The following TOM1L2 variants were observed in gnomAD, a reference collection of about 807,000 sequenced individuals.
The protein encoded by TOM1L2 is target of myb1 like 2 membrane trafficking protein, also known as TOM1-like protein 2.
Under a neutral mutation model 67.9 loss-of-function variants are expected in TOM1L2, and 31 were observed. That is an observed-to-expected ratio of 0.46 (90% confidence interval 0.34 to 0.62). The LOEUF (loss-of-function observed/expected upper bound fraction) is 0.62. TOM1L2 is among the 20% of genes least tolerant of loss of function. The pLI is 0.01. For missense variants in TOM1L2, 606 were observed against 663.5 expected (o/e 0.91, Z 0.95); for synonymous variants, 256 against 254.0 (o/e 1.01, Z -0.07).
chr17:17,853,677 G>A (rs2036115780), intron 12 of TOM1L2, among the ~76,000 whole-genome samples: 1 of 152,240 alleles, frequency 6.6e-6, no homozygotes, highest in Non-Finnish European at 1.5e-5. Flanking sequence ...GCTGAGGAGA[G>A]TGCACTGGGT....
intron 1 of TOM1L2, among the ~76,000 whole-genome samples, chr17:17,941,374 A>G (rs1474190353): frequency 6.6e-6 from 1 of 151,390 alleles, no homozygotes; most frequent in Admixed American, 6.6e-5. Context: ...ACTATGGACG[A>G]CTCCCTTATA....
chr17:17,951,251 C>A (rs1598397251), intron 1 of TOM1L2, among the ~76,000 whole-genome samples: 1 of 152,204 alleles, frequency 6.6e-6, no homozygotes, highest in African/African-American at 2.4e-5. Flanking sequence ...CCTTTCCTAA[C>A]TCTGGCAGGG....
intron 1 of TOM1L2, among the ~76,000 whole-genome samples, chr17:17,969,859 T>TTCTCTC (rs10555800): frequency 6.7e-6 from 1 of 150,132 alleles, no homozygotes; most frequent in African/African-American, 2.5e-5. Context: ...ATAGGAATCT[T>TTCTCTC]TCTCTCTCTC....
rs144566098 is a variant in TOM1L2, at chr17:17,970,754, C to T, written c.52+1508G>A. Among the ~76,000 whole-genome samples the T allele has an allele frequency of 6.2e-4, 94 of 151,610 alleles. 1 individual carries two copies. The highest frequency in any genetic ancestry group is 3.4e-3 in the Middle Eastern group (1 of 294). ...GGAGAGACCTCAATAAGTTTATAGG[C>T]TCCACTAAAGGCTGGAAAGTAAGCT... is the stretch of plus-strand genomic sequence containing the variant. On this transcript the variant is annotated intron_variant, in intron 1 of 14. Coordinates refer to ENST00000379504, the MANE Select transcript of TOM1L2 (RefSeq NM_001082968.2).
At chr17:17,948,606 C>G (rs1015636766) in intron 1 of TOM1L2, among the ~76,000 whole-genome samples, 2 of 152,020 alleles carry the variant, frequency 1.3e-5, no homozygotes, top group Non-Finnish European at 2.9e-5. Context: ...GAGCTGGGAC[C>G]ATGCCACTGA....
intron 10 of TOM1L2, among the ~76,000 whole-genome samples, chr17:17,864,501 C>T (rs547903032): frequency 6.6e-6 from 1 of 151,180 alleles, no homozygotes; most frequent in Admixed American, 6.6e-5. Flanking sequence ...TTAGCCACCG[C>T]ACCCGGCTTT....
chr17:17,853,239 G>A (rs375411914), intron 12 of TOM1L2, among the ~76,000 whole-genome samples: 1 of 152,228 alleles, frequency 6.6e-6, no homozygotes, highest in Admixed American at 6.5e-5. Flanking sequence ...TCTCCAGAGA[G>A]AAAATAGTCC....
In TOM1L2 at chr17:17,844,982, G is replaced by A. The variant is rs1425631935; in HGVS notation, c.*2653C>T. 4.6e-5 allele frequency: 7 copies of A among 152,592 alleles called. No homozygotes were observed. In the East Asian group the frequency reaches 1.3e-3, roughly 29 times the overall value. The allele number at this position is 152,592 out of a possible 1,614,324, so 9.5% of individuals were successfully genotyped here. The stretch of plus-strand genomic sequence containing the variant: ...TGGGCCTTGAGAGTCCAGGTTTCCT[G>A]ACAGAGCCGCACCCCCTTCCTGGAC... On this transcript the variant is annotated 3_prime_UTR_variant, in exon 15 of 15. Transcript: ENST00000379504.
rs143561964 is a variant in TOM1L2 at position 17,858,187 on chromosome 17, G to A, written c.1278+3289C>T. ...AGGGGGTCAACTTTTCAAAGAACCA[G>A]CTTTTACAAAAGCAATTCTACTTTT... On this transcript the variant is annotated intron_variant, in intron 12 of 14. Coordinates refer to ENST00000379504, the MANE Select transcript of TOM1L2 (RefSeq NM_001082968.2). 5.6e-3 allele frequency: 1,125 copies of A among 201,030 alleles called. 7 individuals carry two copies. The highest frequency in any genetic ancestry group is 6.6e-3 in the Non-Finnish European group (667 of 101,288). The allele number at this position is 201,030 out of a possible 1,614,324, so 12.5% of individuals were successfully genotyped here. A position where few individuals can be genotyped will look rare whatever the true frequency, so the allele number is the denominator to read the frequency against.
chr17:17,894,492 G>A (rs141381396), intron 3 of TOM1L2, among the ~76,000 whole-genome samples: 46 of 152,306 alleles, frequency 3.0e-4, no homozygotes, highest in Non-Finnish European at 5.9e-4. Context: ...CTGGCCAGAC[G>A]GTCAGTGAGA....
At chr17:17,892,355 C>A in intron 4 of TOM1L2, among the ~76,000 whole-genome samples, 1 of 152,192 alleles carries the variant, frequency 6.6e-6, no homozygotes, top group East Asian at 1.9e-4. Flanking sequence ...CACGCCCAGC[C>A]CTAGGTTTGT....
chr17:17,910,259 G>A (rs1372857574), intron 1 of TOM1L2, among the ~76,000 whole-genome samples: 1 of 152,212 alleles, frequency 6.6e-6, no homozygotes, highest in Admixed American at 6.5e-5. Context: ...GTCAGTGGCA[G>A]AGCCAGGACT....
chr17:17,924,828 G>T (rs1373028781), intron 1 of TOM1L2, among the ~76,000 whole-genome samples: 1 of 152,100 alleles, frequency 6.6e-6, no homozygotes, highest in Non-Finnish European at 1.5e-5. Flanking sequence ...ATTAAATATA[G>T]TATATTGATT....
intron 12 of TOM1L2, among the ~76,000 whole-genome samples, chr17:17,851,537 T>C (rs1237832206): frequency 6.6e-6 from 1 of 152,178 alleles, no homozygotes; most frequent in African/African-American, 2.4e-5. Flanking sequence ...AGGAGGTGCG[T>C]GCTCCGCTGG....
chr17:17,889,514 G>A (rs1446332739), intron 4 of TOM1L2, among the ~76,000 whole-genome samples: 1 of 152,100 alleles, frequency 6.6e-6, no homozygotes, highest in Non-Finnish European at 1.5e-5. Flanking sequence ...CATCCTCAGG[G>A]CAACCAAAGG....
intron 10 of TOM1L2, among the ~76,000 whole-genome samples, chr17:17,865,870 G>A (rs1217855434): frequency 2.7e-5 from 4 of 149,950 alleles, no homozygotes; most frequent in Admixed American, 1.3e-4. Context: ...GCAGCCTCCC[G>A]AGTAGTTGGG....
chr17:17,865,398 T>A (rs2036789077), intron 10 of TOM1L2, among the ~76,000 whole-genome samples: 2 of 152,168 alleles, frequency 1.3e-5, no homozygotes, highest in African/African-American at 2.4e-5. Flanking sequence ...TTATTTATTT[T>A]TTTGAGATGG....
chr17:17,908,645 T>A (rs1864830630), intron 1 of TOM1L2, among the ~76,000 whole-genome samples: 1 of 152,110 alleles, frequency 6.6e-6, no homozygotes, highest in African/African-American at 2.4e-5. Context: ...TAGACATTTC[T>A]CCAAAGAAGA....
chr17:17,931,469 T>C (rs554128727), intron 1 of TOM1L2, among the ~76,000 whole-genome samples: 1 of 152,274 alleles, frequency 6.6e-6, no homozygotes, highest in East Asian at 1.9e-4. Flanking sequence ...TCCACATCTA[T>C]AGAACAGAAA....
Sources: allele counts gnomAD v4.1 joint callset (sites outside exome capture counted in the v4.1 genomes callset), GRCh38; gene constraint gnomAD v4.1.1; transcripts MANE v1.5; gene names NCBI Gene and HGNC (gene_info 2026-07-23, HGNC 2026-07-21).